Variants in ITGB3 observed in about 807,000 individuals in gnomAD.
ITGB3 encodes integrin beta-3.
A neutral mutation model predicts 85.8 loss-of-function variants in ITGB3; 48 were observed. The ratio of observed to expected loss-of-function variants is 0.56; its 90% CI spans 0.44 to 0.71. The LOEUF (loss-of-function observed/expected upper bound fraction) is 0.71, where lower values mean the gene tolerates loss of function less well. Among genes scored for constraint, ITGB3 ranks in the 30% least tolerant of loss-of-function variants. The pLI, the probability that ITGB3 is intolerant of heterozygous loss-of-function variation, is 0.00. For missense variants in ITGB3, 861 were observed against 1,019.1 expected (o/e 0.84, Z 2.11); for synonymous variants, 363 against 395.6 (o/e 0.92, Z 0.98).
chr17:47,286,224 A>C (rs777302814), intron 4 of ITGB3, 36 bp from the exon 5 acceptor site: 1 of 1,612,604 alleles, frequency 6.2e-7, no homozygotes, highest in Admixed American at 1.7e-5. Context: ...TTTTCCATGA[A>C]GGTGTCTGCT....
chr17:47,294,891 G>T (rs894358234), intron 10 of ITGB3, among the ~76,000 whole-genome samples: 3 of 152,190 alleles, frequency 2.0e-5, no homozygotes, highest in African/African-American at 7.2e-5. Flanking sequence ...CTAGCCCATG[G>T]CCTGTAAGCA....
rs1567771712 is a variant in ITGB3, at chr17:47,310,144, C to T, written c.2307C>T (p.Asn769=). Residue 769 remains asparagine (N), a synonymous_variant, in exon 15 of 15, where the codon AAC becomes AAT. Transcript: ENST00000559488. ...CTATTCTGTTTCCTCCACAGGCCAA[C>T]AACCCACTGTATAAAGAGGCCACGT... The part of the protein sequence containing the change: ...ERARAKWDTA[N]NPLYKEATST... 6.2e-7 allele frequency: 1 copy of T among 1,613,970 alleles called. No individual in the cohort carries two copies. Among genetic ancestry groups the T allele is most frequent in the African/African-American group, 1.3e-5 (1 of 75,004 alleles).
intron 2 of ITGB3, among the ~76,000 whole-genome samples, chr17:47,280,986 G>A (rs1168629420): frequency 1.3e-5 from 2 of 152,162 alleles, no homozygotes; most frequent in Admixed American, 6.5e-5. Context: ...GCAACTTTGA[G>A]CAAATTCCTT....
intron 10 of ITGB3, among the ~76,000 whole-genome samples, chr17:47,298,013 T>C (rs979408855): frequency 1.3e-5 from 2 of 152,192 alleles, no homozygotes; most frequent in African/African-American, 4.8e-5. Context: ...TCCAAGTCTG[T>C]TCCACTGCAC....
At chr17:47,274,006 GT>G (rs1905123741) in intron 1 of ITGB3, among the ~76,000 whole-genome samples, 1 of 152,192 alleles carries the variant, frequency 6.6e-6, no homozygotes, top group African/African-American at 2.4e-5. Flanking sequence ...TGGATCCCCT[GT>G]GTAGTGGCTG....
At chr17:47,286,543 C>A in intron 5 of ITGB3, 121 bp downstream of exon 5, 2 of 1,198,494 alleles carry the variant, frequency 1.7e-6, no homozygotes, top group South Asian at 1.2e-5. Context: ...GGGCTTCCTG[C>A]AGTTATGAGT....
At chr17:47,268,312 A>G (rs974122078) in intron 1 of ITGB3, among the ~76,000 whole-genome samples, 7 of 152,184 alleles carry the variant, frequency 4.6e-5, no homozygotes, top group Admixed American at 2.0e-4. Context: ...ACTTCCCAAC[A>G]GTTCCTTCAA....
chr17:47,301,271 A>G (rs1035129068), intron 12 of ITGB3, among the ~76,000 whole-genome samples: 1 of 152,186 alleles, frequency 6.6e-6, no homozygotes, highest in African/African-American at 2.4e-5. Context: ...AGGCATTGAG[A>G]TGGTACTCTA....
At chr17:47,279,677 C>G (rs2143081035) in intron 2 of ITGB3, 1 of 152,372 alleles carries the variant, frequency 6.6e-6, no homozygotes, top group Non-Finnish European at 1.5e-5. Context: ...TTCTCTCCCT[C>G]TGCTGATGGA....
intron 2 of ITGB3, among the ~76,000 whole-genome samples, chr17:47,277,123 C>T (rs546644601): frequency 3.3e-5 from 5 of 152,136 alleles, no homozygotes; most frequent in African/African-American, 9.6e-5. Flanking sequence ...GGTTGGATAC[C>T]GACGCGGGTT....
intron 1 of ITGB3, among the ~76,000 whole-genome samples, chr17:47,264,344 A>T (rs1402587211): frequency 6.6e-6 from 1 of 152,212 alleles, no homozygotes; most frequent in Non-Finnish European, 1.5e-5. Flanking sequence ...ATGCCCCATG[A>T]GCCATCCATC....
At chr17:47,290,398 G>C (rs2065120387) in intron 8 of ITGB3, 124 bp downstream of exon 8, 7 of 839,070 alleles carry the variant, frequency 8.3e-6, no homozygotes, top group Admixed American at 3.5e-5. Context: ...TTCTCCGTGT[G>C]CTCCCAGAGC....
chr17:47,305,888 C>G (rs1409285281), intron 13 of ITGB3, among the ~76,000 whole-genome samples: 4 of 152,138 alleles, frequency 2.6e-5, no homozygotes, highest in Non-Finnish European at 4.4e-5. Flanking sequence ...TTACTCTGTG[C>G]CAGGCATTGT....
At chr17:47,294,930 T>C (rs929886454) in intron 10 of ITGB3, among the ~76,000 whole-genome samples, 1 of 152,214 alleles carries the variant, frequency 6.6e-6, no homozygotes, top group Non-Finnish European at 1.5e-5. Context: ...CCATCCCCGT[T>C]GTCCCCTCCC....
At chr17:47,305,504 A>C (rs3744453) in intron 13 of ITGB3, 1 of 152,240 alleles carries the variant, frequency 6.6e-6, no homozygotes, top group African/African-American at 2.4e-5. Flanking sequence ...TACTGGAATA[A>C]GATCACCTAT....
chr17:47,308,572 G>C (rs1420936184), intron 14 of ITGB3, among the ~76,000 whole-genome samples: 1 of 151,878 alleles, frequency 6.6e-6, no homozygotes, highest in African/African-American at 2.4e-5. Flanking sequence ...TAGCGATCTT[G>C]GCTCACTGCA....
intron 9 of ITGB3, chr17:47,291,419 C>G (rs2065125166): frequency 1.9e-6 from 1 of 536,350 alleles, no homozygotes; most frequent in Non-Finnish European, 3.3e-6. Context: ...AGTCGCCAGC[C>G]TTTCCAAGGT....
At chr17:47,295,947 G>C (rs924906872) in intron 10 of ITGB3, among the ~76,000 whole-genome samples, 27 of 152,218 alleles carry the variant, frequency 1.8e-4, no homozygotes, top group Non-Finnish European at 4.4e-5. Context: ...CTCAAGGCTA[G>C]ACTCTTCGCC....
At chr17:47,297,323 G>GA (rs2065149410) in intron 10 of ITGB3, among the ~76,000 whole-genome samples, 1 of 152,134 alleles carries the variant, frequency 6.6e-6, no homozygotes, top group Non-Finnish European at 1.5e-5. Context: ...ACCTCAAAGG[G>GA]TTGTTATAAC....
Sources: gnomAD v4.1 joint callset for allele counts (sites outside exome capture counted in the v4.1 genomes callset) on GRCh38, gnomAD v4.1.1 for gene constraint, MANE v1.5 for transcripts, NCBI Gene and HGNC (gene_info 2026-07-23, HGNC 2026-07-21) for gene names.